The following COBL variants were observed in gnomAD, a reference collection of about 807,000 sequenced individuals.
COBL encodes cordon-bleu WH2 repeat protein, also known as protein cordon-bleu.
A neutral mutation model predicts 98.8 loss-of-function variants in COBL; 51 were observed. That is an observed-to-expected ratio of 0.52 (90% CI 0.41 to 0.65). COBL has a LOEUF of 0.65. COBL is among the 30% of genes least tolerant of loss of function. The pLI is 0.00. For missense variants in COBL, 1,617 were observed against 1,617.5 expected, an observed-to-expected ratio of 1.00 and a Z score of 0.01; for synonymous variants, 634 against 651.7, an observed-to-expected ratio of 0.97 and a Z score of 0.41.
At chr7:51,042,955 C>T (rs1212656881) in intron 8 of COBL, among the ~76,000 whole-genome samples, 4 of 152,200 alleles carry the variant, frequency 2.6e-5, no homozygotes, top group Admixed American at 6.5e-5. Context: ...AGTCTCTTTC[C>T]TGTCACTTTC....
chr7:51,073,617 T>C (rs1277480041), intron 7 of COBL, among the ~76,000 whole-genome samples: 1 of 152,168 alleles, frequency 6.6e-6, no homozygotes, highest in Non-Finnish European at 1.5e-5. Context: ...GTAAGAACCA[T>C]ATCATAAGCA....
intron 4 of COBL, among the ~76,000 whole-genome samples, chr7:51,187,373 T>C (rs1432095384): frequency 6.6e-6 from 1 of 151,802 alleles, no homozygotes; most frequent in Non-Finnish European, 1.5e-5. Context: ...TATATCTGCC[T>C]ATATATACAT....
intron 7 of COBL, among the ~76,000 whole-genome samples, chr7:51,056,055 T>C (rs1018275381): frequency 6.6e-6 from 1 of 152,178 alleles, no homozygotes; most frequent in African/African-American, 2.4e-5. Flanking sequence ...ACAAATGTCA[T>C]TTTTCTTCAG....
intron 1 of COBL, among the ~76,000 whole-genome samples, chr7:51,227,967 G>A (rs1228190491): frequency 1.3e-5 from 2 of 152,220 alleles, no homozygotes; most frequent in African/African-American, 4.8e-5. Flanking sequence ...CAGAATTGTG[G>A]CATAAAAACA....
At chr7:51,266,636 G>A (rs138436400) in intron 1 of COBL, among the ~76,000 whole-genome samples, 2 of 152,238 alleles carry the variant, frequency 1.3e-5, no homozygotes, top group East Asian at 1.9e-4. Context: ...AGTGAGAAAC[G>A]GCTTTTCTGG....
intron 7 of COBL, among the ~76,000 whole-genome samples, chr7:51,046,819 A>G (rs886490680): frequency 1.3e-5 from 2 of 152,138 alleles, no homozygotes; most frequent in Non-Finnish European, 2.9e-5. Context: ...CCTGAAACCC[A>G]GGGGCAGCAG....
At chr7:51,301,188 G>A (rs1801930426) in intron 1 of COBL, among the ~76,000 whole-genome samples, 1 of 152,190 alleles carries the variant, frequency 6.6e-6, no homozygotes. Context: ...CTCCTCTGGG[G>A]CTCCCTGGCA....
At chr7:51,183,951 A>T in intron 5 of COBL, 151 bp downstream of exon 5, 1 of 419,558 alleles carries the variant, frequency 2.4e-6, no homozygotes, top group Non-Finnish European at 4.3e-6. Context: ...CTGTCATTCC[A>T]GTGCATACTA....
At chr7:51,075,017 T>C (rs1792925958) in intron 7 of COBL, among the ~76,000 whole-genome samples, 1 of 152,190 alleles carries the variant, frequency 6.6e-6, no homozygotes, top group Non-Finnish European at 1.5e-5. Flanking sequence ...AACAAAGAAG[T>C]ATAACTTCAA....
At chr7:51,136,400 A>G (rs2129006795) in intron 5 of COBL, 69 bp from the exon 6 acceptor site, 2 of 1,471,132 alleles carry the variant, frequency 1.4e-6, no homozygotes, top group South Asian at 1.4e-5. Context: ...GAATGCTCAC[A>G]TGAAGACAAA....
intron 1 of COBL, among the ~76,000 whole-genome samples, chr7:51,233,986 G>A (rs1003114028): frequency 1.3e-5 from 2 of 152,278 alleles, no homozygotes; most frequent in South Asian, 4.1e-4. Context: ...AATGGCAAAA[G>A]TATTTTATTT....
intron 6 of COBL, among the ~76,000 whole-genome samples, chr7:51,118,361 T>C (rs1797461572): frequency 6.6e-6 from 1 of 152,012 alleles, no homozygotes; most frequent in Admixed American, 6.5e-5. Context: ...GCTGTGTTTC[T>C]ATCTGGAGGT....
At chr7:51,259,473 AG>A in intron 1 of COBL, 1 of 578,416 alleles carries the variant, frequency 1.7e-6, no homozygotes, top group Non-Finnish European at 3.2e-6. Context: ...TCACCCCGAC[AG>A]CCAGGTGGGG....
chr7:51,093,369 A>C (rs142501613), intron 6 of COBL, among the ~76,000 whole-genome samples: 34 of 152,342 alleles, frequency 2.2e-4, no homozygotes, highest in African/African-American at 7.2e-4. Flanking sequence ...TGACAAAAAA[A>C]GATGAATGAA....
At chr7:51,265,384 C>G (rs909101444) in intron 1 of COBL, among the ~76,000 whole-genome samples, 1 of 152,208 alleles carries the variant, frequency 6.6e-6, no homozygotes, top group African/African-American at 2.4e-5. Context: ...GCACGCCCAG[C>G]CACACCCACC....
intron 7 of COBL, among the ~76,000 whole-genome samples, chr7:51,055,740 G>A (rs1386645644): frequency 3.9e-5 from 6 of 152,180 alleles, no homozygotes; most frequent in African/African-American, 1.4e-4. Context: ...CTGGCCAGCC[G>A]GCTTTCTCCC....
intron 6 of COBL, among the ~76,000 whole-genome samples, chr7:51,103,940 C>T (rs932353410): frequency 1.3e-5 from 2 of 152,200 alleles, no homozygotes; most frequent in African/African-American, 4.8e-5. Context: ...CAGGCCTTGG[C>T]GGCCACTTTG....
At chr7:51,045,541 G>A (rs1789606986) in intron 7 of COBL, among the ~76,000 whole-genome samples, 1 of 152,186 alleles carries the variant, frequency 6.6e-6, no homozygotes, top group Non-Finnish European at 1.5e-5. Flanking sequence ...CACAAATGCT[G>A]GTTTAGCCTG....
chr7:51,234,178 C>G (rs1240964271), intron 1 of COBL, among the ~76,000 whole-genome samples: 1 of 152,194 alleles, frequency 6.6e-6, no homozygotes, highest in Non-Finnish European at 1.5e-5. Flanking sequence ...ACTTGATCAC[C>G]TCATCGTGAA....
Sources: allele counts gnomAD v4.1 joint callset (sites outside exome capture counted in the v4.1 genomes callset), GRCh38; gene constraint gnomAD v4.1.1; transcripts MANE v1.5; gene names NCBI Gene and HGNC (gene_info 2026-07-23, HGNC 2026-07-21).